The following BAZ2B variants were observed in gnomAD, a reference collection of about 807,000 sequenced individuals.
BAZ2B encodes the protein bromodomain adjacent to zinc finger domain protein 2B.
A neutral mutation model predicts 246.0 loss-of-function variants in BAZ2B; 91 were observed. That is an observed-to-expected ratio of 0.37 (90% confidence interval 0.31 to 0.44). The LOEUF is 0.44. Ranked by LOEUF, BAZ2B falls within the 20% of genes least tolerant of loss-of-function variation. The pLI, the probability that BAZ2B is intolerant of heterozygous loss-of-function variation, is 1.00. For synonymous variants in BAZ2B, 855 were observed against 860.0 expected (o/e 0.99, Z 0.10); for missense variants, 2,332 against 2,533.7 (o/e 0.92, Z 1.71).
At chr2:159,595,106 T>C (rs374779882) in intron 1 of BAZ2B, among the ~76,000 whole-genome samples, 2 of 125,176 alleles carry the variant, frequency 1.6e-5, no homozygotes, top group African/African-American at 5.8e-5. Context: ...TTTAAACATA[T>C]ACTTTTTTTT....
chr2:159,526,836 AAAACC>A (rs758191520), intron 2 of BAZ2B, among the ~76,000 whole-genome samples: 221 of 152,268 alleles, frequency 1.5e-3, no homozygotes, highest in Non-Finnish European at 2.5e-3. Context: ...TAGAAGGAAA[AAAACC>A]TAATAGTTTT....
At chr2:159,348,410 T>TTA (rs557235870) in intron 30 of BAZ2B, among the ~76,000 whole-genome samples, 166 of 151,900 alleles carry the variant, frequency 1.1e-3, no homozygotes, top group Non-Finnish European at 1.7e-3. Context: ...TCTAGGTTAC[T>TTA]TATAGTACCT....
intron 2 of BAZ2B, among the ~76,000 whole-genome samples, chr2:159,542,922 C>T (rs1425701944): frequency 1.3e-5 from 2 of 152,166 alleles, no homozygotes; most frequent in Non-Finnish European, 2.9e-5. Context: ...ACAATAAAGA[C>T]ACAGGCTCCA....
chr2:159,334,201 T>C (rs1477595198), intron 33 of BAZ2B, among the ~76,000 whole-genome samples: 1 of 152,166 alleles, frequency 6.6e-6, no homozygotes, highest in Non-Finnish European at 1.5e-5. Context: ...GATTTAAAAA[T>C]AAAATTATTT....
At chr2:159,427,235 C>T (rs996383246) in intron 13 of BAZ2B, among the ~76,000 whole-genome samples, 1 of 152,012 alleles carries the variant, frequency 6.6e-6, no homozygotes, top group Non-Finnish European at 1.5e-5. Context: ...ATAATAAGCA[C>T]ATGCAGCTGA....
At chr2:159,654,653 G>GAAAGA in the BAZ2B span, among the ~76,000 whole-genome samples, 5 of 152,152 alleles carry the variant, frequency 3.3e-5, no homozygotes, top group East Asian at 3.9e-4. Context: ...AGGAAAAAAA[G>GAAAGA]AAAGAAAAGA....
chr2:159,627,359 C>CAA, the BAZ2B span, among the ~76,000 whole-genome samples: 4 of 126,934 alleles, frequency 3.2e-5, no homozygotes, highest in Non-Finnish European at 6.8e-5. Context: ...GCAGACACAC[C>CAA]AAAAAAAAAA....
intron 20 of BAZ2B, 112 bp downstream of exon 20, chr2:159,395,657 C>T (rs975677707): frequency 5.9e-5 from 56 of 950,540 alleles, no homozygotes; most frequent in Non-Finnish European, 7.8e-5. Context: ...CATATGAAAA[C>T]CAGTAAATCA....
rs972688798 is a variant in BAZ2B at position 159,400,780 on chromosome 2, C to G, written c.2833-116G>C. 25 of 562,930 alleles carry G rather than the reference C, an allele frequency of 4.4e-5. No individual in the cohort carries two copies. The East Asian group carries it at 9.4e-4, about 21-fold the overall frequency. The allele number at this position is 562,930 out of a possible 1,614,324, so 34.9% of individuals were successfully genotyped here. ...TACAGGTCAGGCGCAGTGGCTCACA[C>G]CTGTAATCCCAGCACTTTGGGAGGC... On this transcript the variant is annotated intron_variant, in intron 16 of 36. Transcript: ENST00000392783.
intron 27 of BAZ2B, among the ~76,000 whole-genome samples, chr2:159,366,283 C>T (rs994614857): frequency 1.3e-5 from 2 of 152,106 alleles, no homozygotes; most frequent in Non-Finnish European, 2.9e-5. Context: ...AATAGCATGC[C>T]GACAGTGTGT....
chr2:159,687,941 G>A, the BAZ2B span, among the ~76,000 whole-genome samples: 1 of 152,144 alleles, frequency 6.6e-6, no homozygotes, highest in African/African-American at 2.4e-5. Flanking sequence ...GTGGAAAATT[G>A]ATACATTTGG....
intron 2 of BAZ2B, among the ~76,000 whole-genome samples, chr2:159,521,670 A>G (rs1013490591): frequency 6.6e-6 from 1 of 152,092 alleles, no homozygotes; most frequent in East Asian, 1.9e-4. Flanking sequence ...AATCAACTCT[A>G]TATTACAATG....
the BAZ2B span, among the ~76,000 whole-genome samples, chr2:159,679,134 T>A: frequency 1.3e-5 from 2 of 152,000 alleles, no homozygotes; most frequent in Non-Finnish European, 2.9e-5. Flanking sequence ...TAGCCTGCTG[T>A]GGTGGCGGGC....
At chr2:159,648,025 T>G in the BAZ2B span, among the ~76,000 whole-genome samples, 2 of 152,200 alleles carry the variant, frequency 1.3e-5, no homozygotes, top group Non-Finnish European at 2.9e-5. Context: ...TTAGATCATT[T>G]TGTCACACGT....
chr2:159,663,210 CT>C, the BAZ2B span, among the ~76,000 whole-genome samples: 39 of 130,406 alleles, frequency 3.0e-4, no homozygotes, highest in Non-Finnish European at 3.8e-4. Context: ...TCTTTTTTTT[CT>C]TTTTTTTTTT....
chr2:159,341,240 A>AAAAC (rs940944829), intron 31 of BAZ2B, among the ~76,000 whole-genome samples: 1 of 138,818 alleles, frequency 7.2e-6, no homozygotes, highest in Non-Finnish European at 1.6e-5. Context: ...TCAGATAAAA[A>AAAAC]AAACAAACAA....
At chr2:159,520,633 T>C (rs1237009338) in intron 2 of BAZ2B, among the ~76,000 whole-genome samples, 1 of 152,190 alleles carries the variant, frequency 6.6e-6, no homozygotes, top group Non-Finnish European at 1.5e-5. Context: ...ATAACTAGGA[T>C]ATTTATTATG....
At chr2:159,375,948 AT>A (rs1316893431) in intron 25 of BAZ2B, among the ~76,000 whole-genome samples, 1 of 152,224 alleles carries the variant, frequency 6.6e-6, no homozygotes, top group Non-Finnish European at 1.5e-5. Flanking sequence ...TAGAATAAAA[AT>A]AATTCCTAAC....
At position 159,336,962 on chromosome 2, in the gene BAZ2B, C is replaced by T. The variant is rs1270987626; in HGVS notation, c.5776G>A (p.Glu1926Lys). Residue 1926 changes from glutamate to lysine, a missense_variant, in exon 33 of 37, where the codon GAA becomes AAA. Glu to Lys is a moderately conservative substitution (Grantham distance 56, BLOSUM62 1). Around this residue, in one of 9 missense-constraint regions of BAZ2B, gnomAD observed 53 missense variants for 62.0 expected, o/e 0.86. Coordinates refer to ENST00000392783, the MANE Select transcript of BAZ2B (RefSeq NM_013450.4). ...CTTACAACTTTCATAATTGATTTTT[C>T]CCATGCTATTGATTTCTGTAATTGC... ...IQQLQKSIAW[E>K]KSIMKVYCQI... The T allele has an allele frequency of 6.2e-7, 1 of 1,602,762 alleles. No individual in the cohort carries two copies. Among genetic ancestry groups the T allele is most frequent in the East Asian group, 2.2e-5 (1 of 44,786 alleles).
Sources: gnomAD v4.1 joint callset for allele counts (sites outside exome capture counted in the v4.1 genomes callset) on GRCh38, gnomAD v4.1.1 for gene constraint, gnomAD v4.1.1 regional missense constraint, MANE v1.5 for transcripts, NCBI Gene and HGNC (gene_info 2026-07-23, HGNC 2026-07-21) for gene names.